The following PTK2 variants were observed in gnomAD, a reference collection of about 807,000 sequenced individuals.
The protein encoded by PTK2 is protein tyrosine kinase 2.
Under a neutral mutation model 150.1 loss-of-function variants are expected in PTK2, and 45 were observed. The ratio of observed to expected loss-of-function variants is 0.30; its 90% CI spans 0.24 to 0.38. PTK2 has a LOEUF of 0.38. Among genes scored for constraint, PTK2 ranks in the 10% least tolerant of loss-of-function variants. PTK2 has a pLI of 1.00. For missense variants in PTK2, 919 were observed against 1,307.3 expected, an observed-to-expected ratio of 0.70 and a Z score of 4.58; for synonymous variants, 432 against 449.2, an observed-to-expected ratio of 0.96 and a Z score of 0.48.
At chr8:140,964,378 ATTTC>A (rs1298735320) in intron 1 of PTK2, among the ~76,000 whole-genome samples, 1 of 150,740 alleles carries the variant, frequency 6.6e-6, no homozygotes, top group African/African-American at 2.4e-5. Context: ...GCGCCAGCTA[ATTTC>A]TTTTTTTTTT....
chr8:140,930,892 G>A (rs1204883566), intron 1 of PTK2, among the ~76,000 whole-genome samples: 1 of 151,930 alleles, frequency 6.6e-6, no homozygotes, highest in Non-Finnish European at 1.5e-5. Flanking sequence ...TGAGTAACAT[G>A]GTGAAACCCC....
At chr8:140,696,565 C>T (rs1590797201) in intron 26 of PTK2, among the ~76,000 whole-genome samples, 1 of 152,156 alleles carries the variant, frequency 6.6e-6, no homozygotes. Context: ...TCAACAATGC[C>T]CAGGCTGAGA....
At chr8:140,767,775 C>T (rs1230363523) in intron 14 of PTK2, among the ~76,000 whole-genome samples, 1 of 152,120 alleles carries the variant, frequency 6.6e-6, no homozygotes, top group African/African-American at 2.4e-5. Flanking sequence ...CCCAGCCTTC[C>T]CAAGAATTCT....
At chr8:140,659,405 C>T (rs1212913629) in exon 32 of PTK2, 2 of 1,461,066 alleles carry the variant, frequency 1.4e-6, no homozygotes, top group African/African-American at 2.8e-5. Flanking sequence ...TTCCTCGCTG[C>T]TGGTGGAAGG....
chr8:140,700,867 G>A lies in PTK2; in HGVS notation c.2499+24C>T, dbSNP rs745651607. 26 of 1,612,428 alleles carry A rather than the reference G, an allele frequency of 1.6e-5. No individual in the cohort carries two copies. In the Admixed American group the frequency reaches 2.8e-4, roughly 18 times the overall value. On this transcript the variant is annotated intron_variant, in intron 26 of 31. Coordinates refer to ENST00000522684, the Ensembl canonical transcript of PTK2. ...CTCTAACAGGGCTTAAAAAGTCAAAGAAGCCTTTCAGAAACACAATTACCA... is the reference window on the plus strand; with the variant it reads ...CTCTAACAGGGCTTAAAAAGTCAAAAAAGCCTTTCAGAAACACAATTACCA...
chr8:140,662,866 A>C (rs796108654), intron 31 of PTK2: 1 of 429,064 alleles, frequency 2.3e-6, no homozygotes, highest in African/African-American at 2.0e-5. Context: ...CTTTAAGAAT[A>C]CTCTATAAAA....
chr8:140,917,225 T>C (rs1446677298), intron 2 of PTK2, among the ~76,000 whole-genome samples: 1 of 152,096 alleles, frequency 6.6e-6, no homozygotes, highest in Non-Finnish European at 1.5e-5. Context: ...ACCCTGTCTC[T>C]ACCGAAAATA....
intron 23 of PTK2, among the ~76,000 whole-genome samples, chr8:140,714,432 C>G (rs1288289233): frequency 6.8e-6 from 1 of 146,328 alleles, no homozygotes; most frequent in African/African-American, 2.5e-5. Context: ...GCTTGGGCAA[C>G]ATAGTAAGAC....
chr8:140,877,025 C>CTTTTTTTT (rs60000363), intron 4 of PTK2, among the ~76,000 whole-genome samples: 2 of 71,828 alleles, frequency 2.8e-5, no homozygotes, highest in Admixed American at 2.0e-4. Context: ...TTCACTAATC[C>CTTTTTTTT]TTTTTTTTTT....
intron 13 of PTK2, among the ~76,000 whole-genome samples, chr8:140,791,469 T>C (rs1291246828): frequency 6.6e-6 from 1 of 152,208 alleles, no homozygotes; most frequent in African/African-American, 2.4e-5. Flanking sequence ...TAGAGTGCAC[T>C]GTCCAAAGCT....
At chr8:140,782,412 A>G (rs979084470) in intron 14 of PTK2, among the ~76,000 whole-genome samples, 3 of 151,836 alleles carry the variant, frequency 2.0e-5, no homozygotes, top group Non-Finnish European at 4.4e-5. Context: ...GCCTGGCTAC[A>G]GTTTTTGTAG....
chr8:140,849,466 A>G (rs1405215382), intron 5 of PTK2, among the ~76,000 whole-genome samples: 3 of 152,212 alleles, frequency 2.0e-5, no homozygotes, highest in South Asian at 2.1e-4. Flanking sequence ...ACTAACTCCC[A>G]GCAGAATTGC....
intron 2 of PTK2, among the ~76,000 whole-genome samples, chr8:140,924,641 T>C (rs2100168785): frequency 6.6e-6 from 1 of 152,148 alleles, no homozygotes; most frequent in African/African-American, 2.4e-5. Flanking sequence ...CTTCCAGATC[T>C]CAGTACAGTA....
chr8:140,928,031 A>C (rs932909908), intron 1 of PTK2, among the ~76,000 whole-genome samples: 1 of 133,356 alleles, frequency 7.5e-6, no homozygotes, highest in Non-Finnish European at 1.6e-5. Context: ...GTGTGGATCT[A>C]TCCCTCATCA....
At chr8:140,704,285 A>G (rs2100032434) in intron 24 of PTK2, among the ~76,000 whole-genome samples, 1 of 152,232 alleles carries the variant, frequency 6.6e-6, no homozygotes, top group Non-Finnish European at 1.5e-5. Flanking sequence ...TCTCATTTAC[A>G]AGAGAGGAGA....
intron 1 of PTK2, among the ~76,000 whole-genome samples, chr8:140,961,230 A>G (rs776914897): frequency 6.6e-6 from 1 of 152,230 alleles, no homozygotes; most frequent in African/African-American, 2.4e-5. Flanking sequence ...ATGGTATCAA[A>G]CAGCCAACTA....
At chr8:140,809,155 A>G (rs916801322) in intron 10 of PTK2, among the ~76,000 whole-genome samples, 1 of 152,214 alleles carries the variant, frequency 6.6e-6, no homozygotes, top group African/African-American at 2.4e-5. Flanking sequence ...AAACAAGAAT[A>G]CATTTTAAAG....
chr8:140,702,618 T>G, exon 25 of PTK2: 1 of 1,614,098 alleles, frequency 6.2e-7, no homozygotes. Flanking sequence ...TATGATTCCA[T>G]GAATCTGTTT....
intron 14 of PTK2, among the ~76,000 whole-genome samples, chr8:140,781,377 A>T (rs2100081592): frequency 6.6e-6 from 1 of 152,230 alleles, no homozygotes. Flanking sequence ...TAAGCCAAGT[A>T]TACCCAATAC....
Sources: allele counts gnomAD v4.1 joint callset (sites outside exome capture counted in the v4.1 genomes callset), GRCh38; gene constraint gnomAD v4.1.1; transcripts MANE v1.5; gene names NCBI Gene and HGNC (gene_info 2026-07-23, HGNC 2026-07-21).